ERBB4: variants seen among roughly 807,000 people sequenced by gnomAD.
ERBB4 encodes erb-b2 receptor tyrosine kinase 4, also known as receptor tyrosine-protein kinase erbB-4.
In ERBB4, 42 loss-of-function variants were observed where a neutral mutation model predicts 158.0. The ratio of observed to expected loss-of-function variants is 0.27; its 90% CI spans 0.21 to 0.34. The LOEUF (loss-of-function observed/expected upper bound fraction) is 0.34. Among genes scored for constraint, ERBB4 ranks in the 10% least tolerant of loss-of-function variants. The pLI is 1.00. For missense variants in ERBB4, 1,333 were observed against 1,624.1 expected (o/e 0.82, Z 3.08); for synonymous variants, 583 against 558.7 (o/e 1.04, Z -0.61).
intron 12 of ERBB4, among the ~76,000 whole-genome samples, chr2:211,682,662 G>A (rs2072400037): frequency 6.6e-6 from 1 of 152,072 alleles, no homozygotes; most frequent in Admixed American, 6.6e-5. Flanking sequence ...ATATTTATAA[G>A]AAATAAGTTG....
intron 5 of ERBB4, among the ~76,000 whole-genome samples, chr2:211,726,935 C>T (rs2106138867): frequency 6.6e-6 from 1 of 152,260 alleles, no homozygotes; most frequent in Middle Eastern, 3.4e-3. Flanking sequence ...GATAGAAACA[C>T]TACTTGCAAT....
At chr2:211,509,739 A>T (rs917187725) in intron 20 of ERBB4, among the ~76,000 whole-genome samples, 5 of 152,102 alleles carry the variant, frequency 3.3e-5, no homozygotes, top group African/African-American at 4.8e-5. Flanking sequence ...AACTCAAACA[A>T]CTCAACAAGA....
At chr2:211,608,342 A>C (rs1439988687) in intron 19 of ERBB4, among the ~76,000 whole-genome samples, 1 of 152,134 alleles carries the variant, frequency 6.6e-6, no homozygotes, top group African/African-American at 2.4e-5. Context: ...CCTGCCTCTC[A>C]TTTAATGTGA....
intron 2 of ERBB4, among the ~76,000 whole-genome samples, chr2:211,996,829 T>C (rs1308490070): frequency 6.6e-6 from 1 of 152,222 alleles, no homozygotes. Flanking sequence ...TTTATGGTCA[T>C]ACACGTTTAA....
At chr2:211,609,406 A>G (rs1020028719) in intron 19 of ERBB4, among the ~76,000 whole-genome samples, 1 of 151,986 alleles carries the variant, frequency 6.6e-6, no homozygotes, top group Non-Finnish European at 1.5e-5. Flanking sequence ...TCCTCACTCA[A>G]TTAATATTAG....
intron 21 of ERBB4, 54 bp downstream of exon 21, chr2:211,430,891 A>C: frequency 7.0e-7 from 1 of 1,420,932 alleles, no homozygotes; most frequent in Non-Finnish European, 1.0e-6. Flanking sequence ...ATAAGGAGAT[A>C]AAAGGATATT....
intron 1 of ERBB4, among the ~76,000 whole-genome samples, chr2:212,447,130 G>A (rs2092372998): frequency 6.6e-6 from 1 of 151,786 alleles, no homozygotes; most frequent in African/African-American, 2.4e-5. Context: ...CCAAGTAGCT[G>A]GGACTACAGG....
At chr2:211,859,375 T>C (rs868079851) in intron 3 of ERBB4, among the ~76,000 whole-genome samples, 1 of 152,180 alleles carries the variant, frequency 6.6e-6, no homozygotes, top group Non-Finnish European at 1.5e-5. Context: ...TCACATAAAT[T>C]ATCTAACCTT....
Position 212,214,986 on chromosome 2 carries a change from C to CA in ERBB4, c.83-90084dup, listed in dbSNP as rs538219827. The stretch of plus-strand genomic sequence containing the variant: ...AAATTTAATTACATGAAGCCAGAAA[C>CA]AAAAAAATGCATACTTTATGAATCC... On this transcript the variant is annotated intron_variant, in intron 1 of 27. Transcript: ENST00000342788. Among the ~76,000 whole-genome samples, 507 of 151,372 alleles carry CA rather than the reference C, an allele frequency of 3.3e-3. 1 individual carries two copies. Among genetic ancestry groups the CA allele is most frequent in the African/African-American group, 0.011 (448 of 41,380 alleles).
At chr2:211,653,916 T>C (rs1438559648) in intron 16 of ERBB4, among the ~76,000 whole-genome samples, 1 of 152,036 alleles carries the variant, frequency 6.6e-6, no homozygotes, top group Admixed American at 6.6e-5. Context: ...CCTTGTGATC[T>C]GCCCGCCTCG....
At chr2:212,070,534 A>T (rs2078083312) in intron 2 of ERBB4, among the ~76,000 whole-genome samples, 1 of 152,098 alleles carries the variant, frequency 6.6e-6, no homozygotes, top group Non-Finnish European at 1.5e-5. Context: ...AAATAAACCC[A>T]TAATTGATAT....
At chr2:211,696,504 T>TAA in intron 12 of ERBB4, among the ~76,000 whole-genome samples, 1 of 152,146 alleles carries the variant, frequency 6.6e-6, no homozygotes, top group Middle Eastern at 3.4e-3. Context: ...ATAGAGACAA[T>TAA]AAGTGATCTC....
intron 1 of ERBB4, among the ~76,000 whole-genome samples, chr2:212,272,963 A>G (rs1263075495): frequency 6.6e-6 from 1 of 151,584 alleles, no homozygotes; most frequent in East Asian, 1.9e-4. Context: ...AAACCACTAC[A>G]TTTTACTTAC....
rs557757702 is a variant in ERBB4 at position 211,680,635 on chromosome 2, C to G, written c.1490-1451G>C. Among the ~76,000 whole-genome samples the G allele has an allele frequency of 2.0e-5, 3 of 152,274 alleles. 1 individual carries two copies. The South Asian group carries it at 6.2e-4, about 32-fold the overall frequency. ...TGCTTGACAGAGCAAATCGCCCACA[C>G]CTGTGATCCTGACTAGTTCTGAAAC... On this transcript the variant is annotated intron_variant, in intron 12 of 27. Transcript: ENST00000342788.
chr2:212,409,377 C>T (rs2091436126), intron 1 of ERBB4, among the ~76,000 whole-genome samples: 1 of 152,048 alleles, frequency 6.6e-6, no homozygotes, highest in Non-Finnish European at 1.5e-5. Context: ...TATGAGAAGT[C>T]TTCAATGTTT....
intron 1 of ERBB4, among the ~76,000 whole-genome samples, chr2:212,240,664 A>AAAAAAAAAAC (rs1559823336): frequency 6.8e-6 from 1 of 148,134 alleles, no homozygotes; most frequent in Non-Finnish European, 1.5e-5. Context: ...AAAAAAAAAA[A>AAAAAAAAAAC]AAACAGAAAA....
chr2:212,527,047 C>T (rs563363466), intron 1 of ERBB4, among the ~76,000 whole-genome samples: 1 of 152,132 alleles, frequency 6.6e-6, no homozygotes, highest in South Asian at 2.1e-4. Context: ...GTCCAGTAAG[C>T]TATATTTCAA....
At chr2:212,124,660 AC>A in intron 2 of ERBB4, 91 bp downstream of exon 2, 1 of 1,412,504 alleles carries the variant, frequency 7.1e-7, no homozygotes, top group East Asian at 2.3e-5. Flanking sequence ...GCAGAAGAGC[AC>A]CCCTTCCAGG....
intron 1 of ERBB4, among the ~76,000 whole-genome samples, chr2:212,350,799 C>T (rs78372731): frequency 0.066 from 5,532 of 83,948 alleles, 340 homozygotes; most frequent in African/African-American, 0.16. Context: ...AAAATAAAGA[C>T]TGTAAAATAA....
Sources: gnomAD v4.1 joint callset for allele counts (sites outside exome capture counted in the v4.1 genomes callset) on GRCh38, gnomAD v4.1.1 for gene constraint, MANE v1.5 for transcripts, NCBI Gene and HGNC (gene_info 2026-07-23, HGNC 2026-07-21) for gene names.